Variants in LRP5 observed in about 807,000 individuals in gnomAD.
LRP5 encodes the protein LDL receptor related protein 5, also known as low-density lipoprotein receptor-related protein 5.
LRP5 carries 62 observed loss-of-function variants against 154.1 expected under a neutral mutation model. That is an observed-to-expected ratio of 0.40 (90% CI 0.33 to 0.50). The LOEUF is 0.50. Ranked by LOEUF, LRP5 falls within the 20% of genes least tolerant of loss-of-function variation. The pLI is 0.55. For missense variants in LRP5, 1,915 were observed against 2,336.7 expected (o/e 0.82, Z 3.72); for synonymous variants, 966 against 1,011.5 (o/e 0.96, Z 0.85).
At chr11:68,336,538 A>G (rs2098605804) in intron 1 of LRP5, among the ~76,000 whole-genome samples, 2 of 152,126 alleles carry the variant, frequency 1.3e-5, no homozygotes, top group Admixed American at 6.6e-5. Context: ...GTACAATCTC[A>G]GCTCATGGCA....
At chr11:68,364,547 A>G (rs998932797) in intron 4 of LRP5, among the ~76,000 whole-genome samples, 1 of 152,000 alleles carries the variant, frequency 6.6e-6, no homozygotes, top group Non-Finnish European at 1.5e-5. Context: ...TTATCAATGA[A>G]TAATCTGCCC....
At chr11:68,380,728 C>T (rs1301707410) in intron 5 of LRP5, among the ~76,000 whole-genome samples, 2 of 152,176 alleles carry the variant, frequency 1.3e-5, no homozygotes, top group Non-Finnish European at 2.9e-5. Flanking sequence ...GGGGCAGTGC[C>T]AATGCTGGTG....
chr11:68,442,239 C>T (rs1247337273), intron 21 of LRP5, among the ~76,000 whole-genome samples: 1 of 152,238 alleles, frequency 6.6e-6, no homozygotes, highest in Non-Finnish European at 1.5e-5. Context: ...AAGCAAGACA[C>T]TGATAACGAT....
Position 68,363,705 on chromosome 11 carries a change from G to T in LRP5, c.687-42G>T, listed in dbSNP as rs760877115. Reference sequence around the variant, plus strand: ...GGGTCAGCAGCAATGACTGTCGGGGGACCCTCCTGATGGCTCCTCCACCCC... The same window carrying T: ...GGGTCAGCAGCAATGACTGTCGGGGTACCCTCCTGATGGCTCCTCCACCCC... On this transcript the variant is annotated intron_variant, in intron 3 of 22. Coordinates refer to ENST00000294304, the MANE Select transcript of LRP5 (RefSeq NM_002335.4). The T allele has an allele frequency of 1.2e-5, 19 of 1,529,652 alleles. No homozygotes were observed. In the African/African-American group the frequency reaches 2.6e-4, roughly 21 times the overall value. 94.8% of individuals were successfully genotyped at this position (1,529,652 alleles called of 1,614,324 possible). A position where few individuals can be genotyped will look rare whatever the true frequency, so the allele number is the denominator to read the frequency against.
At chr11:68,396,785 T>C (rs1374976727) in intron 7 of LRP5, among the ~76,000 whole-genome samples, 3 of 151,796 alleles carry the variant, frequency 2.0e-5, no homozygotes, top group Admixed American at 2.0e-4. Context: ...CAGCTGGGAG[T>C]GGCGGTGGTT....
At chr11:68,360,337 C>A (rs779282137) in intron 3 of LRP5, among the ~76,000 whole-genome samples, 2 of 152,176 alleles carry the variant, frequency 1.3e-5, no homozygotes, top group Non-Finnish European at 2.9e-5. Flanking sequence ...ATTTTGATCC[C>A]CTGTGCACAG....
chr11:68,325,721 G>A (rs561045824), intron 1 of LRP5, among the ~76,000 whole-genome samples: 3 of 152,296 alleles, frequency 2.0e-5, no homozygotes, highest in East Asian at 1.9e-4. Context: ...CCCCTCACCC[G>A]TTCCTGCCTG....
At chr11:68,307,767 G>A (rs61887799), upstream of LRP5, among the ~76,000 whole-genome samples, 17,212 of 151,382 alleles carry the variant, frequency 0.11, 1,037 homozygotes, top group African/African-American at 0.15. Flanking sequence ...GTAGTGAGCC[G>A]TAATCACACC....
intron 8 of LRP5, 112 bp from the exon 9 acceptor site, chr11:68,406,412 C>G (rs553147657): frequency 1.7e-6 from 2 of 1,206,374 alleles, no homozygotes; most frequent in Non-Finnish European, 2.5e-6. Context: ...GTCCTGAGCT[C>G]GGCACCCCTG....
rs144847027 is a variant in LRP5 at position 68,406,690 on chromosome 11, C to T, written c.1968C>T (p.His656=). The change falls in exon 9 of 23, where the codon CAC becomes CAT. Residue 656 remains histidine, a synonymous_variant. Transcript: ENST00000294304. ...TCTTCACCAGCAGAGCCGCCATCCA[C>T]AGGATCTCCCTCGAGACCAATAACA... is the stretch of plus-strand genomic sequence containing the variant. ...FLVFTSRAAI[H]RISLETNNND... is the part of the protein sequence containing the mutation. 579 of 1,614,222 alleles carry T rather than the reference C, an allele frequency of 3.6e-4. 2 individuals are homozygous for T. In the African/African-American group the frequency reaches 5.6e-3, roughly 16 times the overall value.
rs371260630 is a variant in LRP5 at position 68,416,303 on chromosome 11, G to A, written c.2828-25G>A. 6.5e-5 allele frequency: 104 copies of A among 1,608,568 alleles called. No individual in the cohort carries two copies. The African/African-American group carries it at 1.2e-3, about 19-fold the overall frequency. ...CTCTGTGGCTTACAGACACCCACCT[G>A]CAGCCCTGTCTTTGCCTCCTCTAGC... is the stretch of plus-strand genomic sequence containing the variant. On this transcript the variant is annotated intron_variant, in intron 12 of 22. Transcript: ENST00000294304.
At chr11:68,409,071 A>ATATATATATAT (rs1324458424) in intron 9 of LRP5, among the ~76,000 whole-genome samples, 2 of 52,618 alleles carry the variant, frequency 3.8e-5, no homozygotes, top group African/African-American at 2.1e-4. Flanking sequence ...AAAAAAAAAA[A>ATATATATATAT]AAATATATAT....
At chr11:68,410,640 C>T (rs1016499773) in intron 10 of LRP5, among the ~76,000 whole-genome samples, 6 of 152,236 alleles carry the variant, frequency 3.9e-5, no homozygotes, top group African/African-American at 1.4e-4. Context: ...TGCTGAGCCA[C>T]AGCTTAGGAC....
At chr11:68,448,637 A>C (rs2098682721) in intron 22 of LRP5, among the ~76,000 whole-genome samples, 172 bp from the exon 23 acceptor site, 1 of 152,004 alleles carries the variant, frequency 6.6e-6, no homozygotes, top group Admixed American at 6.5e-5. Flanking sequence ...TGAGGCTCAG[A>C]GAGGGTAAGT....
upstream of LRP5, among the ~76,000 whole-genome samples, chr11:68,308,822 C>T (rs1284524406): frequency 6.6e-6 from 1 of 150,982 alleles, no homozygotes; most frequent in African/African-American, 2.4e-5. Flanking sequence ...GATATCGGCT[C>T]ATTGCAACCT....
intron 16 of LRP5, among the ~76,000 whole-genome samples, chr11:68,427,795 G>A (rs1356245401): frequency 6.6e-6 from 1 of 152,034 alleles, no homozygotes; most frequent in Non-Finnish European, 1.5e-5. Flanking sequence ...GGTGGGGCAG[G>A]GAACAGAGCG....
chr11:68,352,162 C>T (rs1020337583), intron 2 of LRP5, among the ~76,000 whole-genome samples: 4 of 152,036 alleles, frequency 2.6e-5, no homozygotes, highest in East Asian at 1.9e-4. Flanking sequence ...GGGATCCTGG[C>T]GACAGAAAGC....
At chr11:68,347,088 G>A (rs554509339) in intron 1 of LRP5, among the ~76,000 whole-genome samples, 1 of 152,230 alleles carries the variant, frequency 6.6e-6, no homozygotes. Context: ...GTGGGGTGGT[G>A]GAGAGAAGTG....
intron 1 of LRP5, among the ~76,000 whole-genome samples, chr11:68,327,983 C>T (rs1163351542): frequency 2.0e-5 from 3 of 152,246 alleles, no homozygotes; most frequent in Admixed American, 1.3e-4. Context: ...ATCGTCAACA[C>T]TGGACTTTGC....
Sources: allele counts gnomAD v4.1 joint callset (sites outside exome capture counted in the v4.1 genomes callset), GRCh38; gene constraint gnomAD v4.1.1; transcripts MANE v1.5; gene names NCBI Gene and HGNC (gene_info 2026-07-23, HGNC 2026-07-21).